LRSAM1: variants seen among roughly 807,000 people sequenced by gnomAD.
LRSAM1 encodes E3 ubiquitin-protein ligase LRSAM1.
A neutral mutation model predicts 118.1 loss-of-function variants in LRSAM1; 96 were observed. That is an observed-to-expected ratio of 0.81 (90% CI 0.69 to 0.96). The LOEUF is 0.96. LRSAM1 is among the 40% of genes least tolerant of loss of function. The probability of loss-of-function intolerance (pLI) is 0.00; values close to 1 mark genes in which losing one functional copy is unlikely to be tolerated. For missense variants in LRSAM1, 804 were observed against 915.5 expected, an observed-to-expected ratio of 0.88 and a Z score of 1.57; for synonymous variants, 322 against 364.2, an observed-to-expected ratio of 0.88 and a Z score of 1.32.
intron 24 of LRSAM1, among the ~76,000 whole-genome samples, chr9:127,500,093 G>C (rs1431874464): frequency 4.6e-5 from 7 of 150,946 alleles, no homozygotes; most frequent in Non-Finnish European, 7.4e-5. Flanking sequence ...GGGCACGTTG[G>C]CTCACGCCTG....
chr9:127,455,239 G>A (rs767506004), intron 4 of LRSAM1, among the ~76,000 whole-genome samples, 185 bp downstream of exon 4: 1 of 151,658 alleles, frequency 6.6e-6, no homozygotes, highest in Non-Finnish European at 1.5e-5. Context: ...TCAATATAAC[G>A]TAGTCTCCAA....
In LRSAM1 at chr9:127,469,673, CA is replaced by C. The variant is rs138073330; in HGVS notation, c.619+1849del. ...GACAAGTCAACCAGAAATAAAAAAA[CA>C]AAAAATAGGCCGGGCGCGGTGGCTC... On this transcript the variant is annotated intron_variant, in intron 10 of 25. Transcript: ENST00000300417. 8.5e-3 allele frequency among the ~76,000 whole-genome samples: 1,276 copies of C among 150,174 alleles called. 8 individuals are homozygous for C. Among genetic ancestry groups the C allele is most frequent in the Non-Finnish European group, 0.012 (837 of 67,466 alleles).
intron 10 of LRSAM1, among the ~76,000 whole-genome samples, chr9:127,469,883 T>G (rs920714900): frequency 3.9e-5 from 6 of 152,044 alleles, no homozygotes; most frequent in Non-Finnish European, 7.4e-5. Flanking sequence ...GAGAATGGCG[T>G]GAACCCGGGA....
At position 127,491,226 on chromosome 9, in the gene LRSAM1, A is replaced by G; in HGVS notation, c.1434A>G (p.Ile478Met). 6.2e-7 allele frequency: 1 copy of G among 1,613,800 alleles called. No individual in the cohort carries two copies. Among genetic ancestry groups the G allele is most frequent in the South Asian group, 1.1e-5 (1 of 91,084 alleles). ...HRQIRSQIKLIETELLQLTQL... is the reference protein window; with the variant it reads ...HRQIRSQIKLMETELLQLTQL... ...CGTCTTCTGTTTAGATTAAGTTAAT[A>G]GAAACTGAGTTATTGCAGCTGACAC... Residue 478 changes from isoleucine (I) to methionine (M), a missense_variant, in exon 20 of 26, where the codon ATA becomes ATG. Physicochemically the swap from Ile to Met is conservative, Grantham distance 10. Coordinates refer to ENST00000300417, the MANE Select transcript of LRSAM1 (RefSeq NM_001005373.4).
chr9:127,471,954 C>T lies in LRSAM1; in HGVS notation c.620-1847C>T, dbSNP rs116296509. Among the ~76,000 whole-genome samples the T allele has an allele frequency of 2.0e-3, 301 of 151,860 alleles. 2 individuals carry two copies. The highest frequency in any genetic ancestry group is 6.7e-3 in the African/African-American group (276 of 41,490). Reference sequence around the variant, plus strand: ...CTGGCATTACAAGTGTGAGCCACCACGCCCTGCAAGAAATAATTTTTTTTT... The same window carrying T: ...CTGGCATTACAAGTGTGAGCCACCATGCCCTGCAAGAAATAATTTTTTTTT... On this transcript the variant is annotated intron_variant, in intron 10 of 25. Transcript: ENST00000300417.
At position 127,454,990 on chromosome 9, in the gene LRSAM1, A is replaced by T. The variant is rs756364990; in HGVS notation, c.73-8A>T. The T allele has an allele frequency of 3.5e-5, 56 of 1,613,780 alleles. 3 individuals carry two copies. In the South Asian group the frequency reaches 6.0e-4, roughly 17 times the overall value. The stretch of plus-strand genomic sequence containing the variant: ...TTAATACTTTTTAAAAATTCTTTTT[A>T]TCCTTAGGCAAAAGAAGCTGGGGCA... On this transcript the variant is annotated splice_region_variant and splice_polypyrimidine_tract_variant and intron_variant, in intron 3 of 25. Coordinates refer to ENST00000300417, the MANE Select transcript of LRSAM1 (RefSeq NM_001005373.4).
At chr9:127,463,032 C>A (rs888021665) in intron 9 of LRSAM1, among the ~76,000 whole-genome samples, 1 of 151,728 alleles carries the variant, frequency 6.6e-6, no homozygotes, top group African/African-American at 2.4e-5. Flanking sequence ...CCTGTCTCTA[C>A]TAAAAATACA....
At chr9:127,468,260 C>T (rs1379968950) in intron 10 of LRSAM1, among the ~76,000 whole-genome samples, 1 of 152,030 alleles carries the variant, frequency 6.6e-6, no homozygotes, top group Non-Finnish European at 1.5e-5. Context: ...TGCCCGGGCC[C>T]AGTGTCCAGT....
chr9:127,503,041 A>C lies in LRSAM1; in HGVS notation c.*142A>C. On this transcript the variant is annotated 3_prime_UTR_variant, in exon 26 of 26. Transcript: ENST00000300417. ...CCTTCCCCACTGCCCAGGAGCCCCC[A>C]TCCTAAGCTCCAAGCATGTCTGGGC... 3 of 1,122,804 alleles carry C rather than the reference A, an allele frequency of 2.7e-6. No individual in the cohort carries two copies. Among genetic ancestry groups the C allele is most frequent in the Non-Finnish European group, 3.8e-6 (3 of 779,572 alleles). The allele number at this position is 1,122,804 out of a possible 1,614,324, so 69.6% of individuals were successfully genotyped here.
Position 127,495,381 on chromosome 9 carries a change from G to A in LRSAM1, c.1661G>A (p.Arg554Gln), listed in dbSNP as rs1237462552. Residue 554 changes from arginine (R) to glutamine (Q), a missense_variant, in exon 22 of 26, where the codon CGG (arginine) becomes CAG (glutamine). Coordinates refer to ENST00000300417, the MANE Select transcript of LRSAM1 (RefSeq NM_001005373.4). ...AATTACTGGCTGATTCAGTATCAAC[G>A]GCTTTTGAACCAGAAGCCCTTGTCC... ...QENYWLIQYQ[R>Q]LLNQKPLSLK... The A allele has an allele frequency of 8.1e-6, 13 of 1,613,920 alleles. No homozygotes were observed. Among genetic ancestry groups the A allele is most frequent in the African/African-American group, 1.3e-5 (1 of 74,942 alleles).
Position 127,495,951 on chromosome 9 carries a change from TTC to T in LRSAM1, c.1699-11_1699-10del. 1.2e-6 allele frequency: 2 copies of T among 1,612,334 alleles called. No homozygotes were observed. The highest frequency in any genetic ancestry group is 1.1e-5 in the South Asian group (1 of 90,890). On this transcript the variant is annotated splice_polypyrimidine_tract_variant and intron_variant, in intron 22 of 25. Transcript: ENST00000300417. ...CTTCCTTCCTGCTCATGGTACACGT[TTC>T]TGTCTTGCAGGAAGAGGGGATGGAG...
intron 9 of LRSAM1, among the ~76,000 whole-genome samples, chr9:127,466,531 C>T (rs2488901): frequency 0.47 from 20,326 of 43,296 alleles, 5,889 homozygotes; most frequent in Non-Finnish European, 0.54. Flanking sequence ...TTTTTTTTTT[C>T]CACTAGAGAT....
intron 2 of LRSAM1, 48 bp downstream of exon 2, chr9:127,452,132 C>G (rs899608069): frequency 6.6e-6 from 1 of 152,428 alleles, no homozygotes; most frequent in African/African-American, 2.4e-5. Context: ...GTGGCCCTCC[C>G]CCCGCATCTA....
intron 16 of LRSAM1, among the ~76,000 whole-genome samples, chr9:127,484,264 T>C (rs1349362181): frequency 6.4e-5 from 1 of 15,608 alleles, no homozygotes; most frequent in Non-Finnish European, 1.6e-4. Context: ...TTTCTTTCCC[T>C]TTTTTTTTTT....
At position 127,455,074 on chromosome 9, in the gene LRSAM1, G is replaced by C. The variant is rs766476460; in HGVS notation, c.129+20G>C. 4.5e-5 allele frequency: 73 copies of C among 1,612,900 alleles called. 1 individual carries two copies. Among genetic ancestry groups the C allele is most frequent in the Non-Finnish European group, 4.2e-6 (5 of 1,179,038 alleles). ...TCAGAGGTAAACTGAGGATAGTGTT[G>C]GGCTGTGAATTGGATCTGTCCCGTT... On this transcript the variant is annotated intron_variant, in intron 4 of 25. Transcript: ENST00000300417.
intron 11 of LRSAM1, among the ~76,000 whole-genome samples, chr9:127,474,461 T>C (rs1346755078): frequency 6.6e-6 from 1 of 152,006 alleles, no homozygotes; most frequent in Non-Finnish European, 1.5e-5. Context: ...AAACATTACA[T>C]CCTCTGAGAA....
chr9:127,493,420 G>A (rs1459233969), intron 21 of LRSAM1, among the ~76,000 whole-genome samples: 2 of 152,080 alleles, frequency 1.3e-5, no homozygotes, highest in African/African-American at 2.4e-5. Context: ...ATAGCTGTTC[G>A]TGTATGCGCC....
intron 11 of LRSAM1, among the ~76,000 whole-genome samples, chr9:127,478,052 C>CA (rs368060643): frequency 0.059 from 4,251 of 71,940 alleles, 111 homozygotes; most frequent in African/African-American, 0.11. Flanking sequence ...AACTCCGTCT[C>CA]AAAAAAAAAA....
At chr9:127,454,842 A>G (rs1054562138) in intron 3 of LRSAM1, among the ~76,000 whole-genome samples, 156 bp from the exon 4 acceptor site, 11 of 152,232 alleles carry the variant, frequency 7.2e-5, no homozygotes, top group African/African-American at 2.7e-4. Flanking sequence ...GCTCTGGGAA[A>G]GCAGGGGTCA....
Sources: gnomAD v4.1 joint callset for allele counts (sites outside exome capture counted in the v4.1 genomes callset) on GRCh38, gnomAD v4.1.1 for gene constraint, MANE v1.5 for transcripts, NCBI Gene and HGNC (gene_info 2026-07-23, HGNC 2026-07-21) for gene names.